The following CSF1R variants were observed in gnomAD, a reference collection of about 807,000 sequenced individuals.
The protein encoded by CSF1R is colony stimulating factor 1 receptor, also known as macrophage colony-stimulating factor 1 receptor.
A neutral mutation model predicts 110.0 loss-of-function variants in CSF1R; 40 were observed. That is an observed-to-expected ratio of 0.36 (90% CI 0.28 to 0.47). The LOEUF is 0.47. Among genes scored for constraint, CSF1R ranks in the 20% least tolerant of loss-of-function variants. The pLI is 0.99. For missense variants in CSF1R, 1,052 were observed against 1,253.0 expected (o/e 0.84, Z 2.42); for synonymous variants, 523 against 503.4 (o/e 1.04, Z -0.52).
intron 10 of CSF1R, among the ~76,000 whole-genome samples, chr5:150,064,699 C>G (rs1436564857): frequency 6.6e-6 from 1 of 152,198 alleles, no homozygotes; most frequent in East Asian, 1.9e-4. Flanking sequence ...TGGGCTGAGT[C>G]AGCCCCTCCC....
chr5:150,056,318 C>T lies in CSF1R; in HGVS notation c.2343G>A (p.Ala781=), dbSNP rs55804445. ...GACCATTGGTCAACAGCACGTTACG[C>T]GCTGCCACGTCCCGGTGGATGCACT... is the stretch of plus-strand genomic sequence containing the variant. ...SKNCIHRDVA[A]RNVLLTNGHV... is the part of the protein sequence containing the mutation. The change falls in exon 17 of 21, where the codon GCG becomes GCA. Residue 781 remains alanine, a synonymous_variant. Coordinates refer to ENST00000675795, the MANE Select transcript of CSF1R (RefSeq NM_001288705.3). 1.7e-5 allele frequency: 27 copies of T among 1,614,024 alleles called. No homozygotes were observed. Among genetic ancestry groups the T allele is most frequent in the African/African-American group, 8.0e-5 (6 of 74,922 alleles).
intron 5 of CSF1R, among the ~76,000 whole-genome samples, chr5:150,074,360 T>G (rs1027840130): frequency 3.5e-5 from 5 of 144,702 alleles, no homozygotes; most frequent in African/African-American, 1.3e-4. Context: ...CAGGCTGGAG[T>G]GCAGTGGCAC....
intron 3 of CSF1R, among the ~76,000 whole-genome samples, chr5:150,079,018 T>C (rs1017271704): frequency 1.3e-5 from 2 of 152,242 alleles, no homozygotes; most frequent in African/African-American, 4.8e-5. Context: ...GCCAGCAAGA[T>C]GCCTGATGCA....
intron 1 of CSF1R, chr5:150,095,150 T>C (rs1759184857): frequency 2.9e-6 from 2 of 698,406 alleles, no homozygotes; most frequent in South Asian, 3.9e-5. Context: ...AGCTTCAAAC[T>C]ACATGAAACA....
chr5:150,102,394 A>C (rs1403863614), intron 1 of CSF1R, among the ~76,000 whole-genome samples: 1 of 151,990 alleles, frequency 6.6e-6, no homozygotes, highest in African/African-American at 2.4e-5. Context: ...TGAAATAAAC[A>C]TTTTTTCCAT....
chr5:150,078,119 T>G lies in CSF1R; in HGVS notation c.722A>C (p.Asn241Thr), dbSNP rs555886698. 3.7e-5 allele frequency: 60 copies of G among 1,614,008 alleles called. No individual in the cohort carries two copies. Among genetic ancestry groups the G allele is most frequent in the African/African-American group, 3.2e-4 (24 of 75,020 alleles). Residue 241 changes from asparagine to threonine, a missense_variant, in exon 4 of 21, where the codon AAC becomes ACC. By Grantham distance (65) the Asn-to-Thr change is moderately conservative. This residue lies in a region of CSF1R where 693 missense variants were observed against 735.4 expected (regional missense o/e 0.94). Coordinates refer to ENST00000675795, the MANE Select transcript of CSF1R (RefSeq NM_001288705.3). ...TGATCTGCAGGGACTGACCTTGGTG[T>G]TGTTGTGTTGGAGGAAGACATCAAA... ...VNFDVFLQHNNTKLAIPQQSD... is the reference protein window; with the variant it reads ...VNFDVFLQHNTTKLAIPQQSD...
At chr5:150,054,741 CTT>C in intron 19 of CSF1R, 1 of 316,592 alleles carries the variant, frequency 3.2e-6, no homozygotes, top group Admixed American at 4.6e-5. Flanking sequence ...AATCCCAACA[CTT>C]TGGGAGGTTG....
intron 1 of CSF1R, among the ~76,000 whole-genome samples, chr5:150,091,914 A>T (rs1759056718): frequency 6.6e-6 from 1 of 151,558 alleles, no homozygotes; most frequent in South Asian, 2.1e-4. Flanking sequence ...AAGGAGTATG[A>T]TACCAGCTAG....
chr5:150,090,551 G>A (rs1418081545), upstream of CSF1R, among the ~76,000 whole-genome samples: 1 of 152,084 alleles, frequency 6.6e-6, no homozygotes, highest in Admixed American at 6.6e-5. Context: ...TCATATAAAT[G>A]GAATCATACA....
chr5:150,096,114 G>T (rs1759214798), intron 1 of CSF1R, among the ~76,000 whole-genome samples: 1 of 152,154 alleles, frequency 6.6e-6, no homozygotes, highest in East Asian at 1.9e-4. Flanking sequence ...TACTGACCTG[G>T]CCCAGTGGCT....
chr5:150,079,801 G>T (rs946637220), intron 3 of CSF1R, among the ~76,000 whole-genome samples: 3 of 152,184 alleles, frequency 2.0e-5, no homozygotes, highest in Non-Finnish European at 4.4e-5. Context: ...GTTTATTTTT[G>T]TAGCATGTCC....
chr5:150,089,819 A>G (rs1162691688), upstream of CSF1R, among the ~76,000 whole-genome samples: 1 of 152,238 alleles, frequency 6.6e-6, no homozygotes, highest in Non-Finnish European at 1.5e-5. Flanking sequence ...TGGTATCAGC[A>G]TAAGAATAAC....
rs2113782798 is a variant in CSF1R at position 150,057,588 on chromosome 5, T to C, written c.2137A>G (p.Ser713Gly). 6.2e-7 allele frequency: 1 copy of C among 1,613,656 alleles called. No individual in the cohort carries two copies. The highest frequency in any genetic ancestry group is 8.5e-7 in the Non-Finnish European group (1 of 1,179,536). ...TCCACACCCTGGCTGGAGAAGCCAC[T>C]GTCCCTACATAGGAGAGAGGGTTGG... ...HLEKKYVRRDSGFSSQGVDTY... is the reference protein window; with the variant it reads ...HLEKKYVRRDGGFSSQGVDTY... The change falls in exon 15 of 21, where the codon AGT (serine) becomes GGT (glycine). Residue 713 changes from serine (S) to glycine (G), a missense_variant. Around this residue, in one of 5 missense-constraint regions of CSF1R, gnomAD observed 124 missense variants for 117.7 expected, o/e 1.05. Transcript: ENST00000675795.
At chr5:150,055,647 T>C (rs1044737935) in intron 18 of CSF1R, among the ~76,000 whole-genome samples, 3 of 152,202 alleles carry the variant, frequency 2.0e-5, no homozygotes, top group African/African-American at 4.8e-5. Flanking sequence ...GAGCAGCGTA[T>C]TTAAGAACTG....
intron 20 of CSF1R, 46 bp downstream of exon 20, chr5:150,054,276 C>G: frequency 6.2e-7 from 1 of 1,613,836 alleles, no homozygotes; most frequent in Non-Finnish European, 8.5e-7. Context: ...CAGGCCCAGC[C>G]CAACGTGCTT....
chr5:150,072,148 G>A (rs1437404641), intron 6 of CSF1R, among the ~76,000 whole-genome samples: 2 of 152,184 alleles, frequency 1.3e-5, no homozygotes, highest in Non-Finnish European at 1.5e-5. Context: ...TGCACACCAC[G>A]TATTCGCTGC....
At position 150,054,376 on chromosome 5, in the gene CSF1R, GA is replaced by G. The variant is rs1232734298; in HGVS notation, c.2708del (p.Phe903SerfsTer49). 1 of 1,613,966 alleles carries G rather than the reference GA, an allele frequency of 6.2e-7. No homozygotes were observed. The highest frequency in any genetic ancestry group is 8.5e-7 in the Non-Finnish European group (1 of 1,180,012). On this transcript the variant is annotated frameshift_variant, in exon 20 of 21. Transcript: ENST00000675795. LOFTEE classifies it high-confidence loss of function. ...CCTGAAGGAAGGAGCAGATCTGCTG[GA>G]AGGTGGGTCTGTGGGTGGGCTCCAA... ...WALEPTHRPT[F>X]QQICSFLQEQ...
rs767836397 is a variant in CSF1R, at chr5:150,080,816, C to A, written c.258G>T (p.Glu86Asp). The A allele has an allele frequency of 6.8e-6, 11 of 1,614,156 alleles. No individual in the cohort carries two copies. The Admixed American group carries it at 1.8e-4, about 27-fold the overall frequency. The change falls in exon 2 of 21, where the codon GAG becomes GAT. Residue 86 changes from glutamate (E) to aspartate (D), a missense_variant. Coordinates refer to ENST00000675795, the MANE Select transcript of CSF1R (RefSeq NM_001288705.3). Reference protein sequence around the residue: ...FQNTGTYRCTEPGDPLGGSAA... With the variant: ...FQNTGTYRCTDPGDPLGGSAA... ...CGCTGCCTCCCAGGGGGTCTCCAGG[C>A]TCAGTGCAGCGATAGGTCCCCGTGT...
At chr5:150,077,005 G>T in intron 5 of CSF1R, 1 of 506,160 alleles carries the variant, frequency 2.0e-6, no homozygotes, top group Non-Finnish European at 3.6e-6. Flanking sequence ...GGAGCTACTG[G>T]ACCCCAATCC....
Sources: allele counts gnomAD v4.1 joint callset (sites outside exome capture counted in the v4.1 genomes callset), GRCh38; gene constraint gnomAD v4.1.1; regional missense constraint gnomAD v4.1.1; transcripts MANE v1.5; gene names NCBI Gene and HGNC (gene_info 2026-07-23, HGNC 2026-07-21).